CRB1: variants seen among roughly 807,000 people sequenced by gnomAD.
CRB1 encodes crumbs cell polarity complex component 1, also known as protein crumbs homolog 1.
CRB1 carries 83 observed loss-of-function variants against 120.0 expected under a neutral mutation model. The ratio of observed to expected loss-of-function variants is 0.69; its 90% confidence interval spans 0.58 to 0.83. The LOEUF is 0.83. CRB1 is among the 40% of genes least tolerant of loss of function. CRB1 has a pLI of 0.00. For synonymous variants in CRB1, 625 were observed against 612.5 expected (o/e 1.02, Z -0.30); for missense variants, 1,699 against 1,687.6 (o/e 1.01, Z -0.12).
intron 5 of CRB1, among the ~76,000 whole-genome samples, chr1:197,402,013 T>C (rs2125434360): frequency 6.6e-6 from 1 of 152,198 alleles, no homozygotes; most frequent in East Asian, 1.9e-4. Flanking sequence ...CAGTTAATTT[T>C]TATTATTGTT....
At chr1:197,363,141 T>C (rs1289510737) in intron 5 of CRB1, among the ~76,000 whole-genome samples, 2 of 151,964 alleles carry the variant, frequency 1.3e-5, no homozygotes, top group Non-Finnish European at 2.9e-5. Context: ...TTAGGTTTTT[T>C]TTTTTTGCCT....
At chr1:197,252,453 A>T in the CRB1 span, among the ~76,000 whole-genome samples, 1 of 145,976 alleles carries the variant, frequency 6.9e-6, no homozygotes, top group Middle Eastern at 3.5e-3. Flanking sequence ...ACTAAGCTAG[A>T]ATTATCATTC....
chr1:197,450,822 T>C (rs1571589898), intron 11 of CRB1, among the ~76,000 whole-genome samples: 1 of 132,664 alleles, frequency 7.5e-6, no homozygotes, highest in South Asian at 2.4e-4. Context: ...TAGCTGGGCG[T>C]GGTGGCCAGC....
At chr1:197,348,602 G>A (rs933747667) in intron 4 of CRB1, among the ~76,000 whole-genome samples, 8 of 151,842 alleles carry the variant, frequency 5.3e-5, no homozygotes, top group Non-Finnish European at 8.8e-5. Context: ...TCAGCCTCCC[G>A]AGTAGCTGGT....
chr1:197,427,503 C>A lies in CRB1; in HGVS notation c.2178C>A (p.Ile726=). The change falls in exon 7 of 12, where the codon ATC becomes ATA. Residue 726 remains isoleucine (I), a synonymous_variant. Transcript: ENST00000367400. ...AGGATGACTCCACTGGTTATGTCAT[C>A]TTTACTCTTGATGAGAGCTATGGAG... ...FGQDDSTGYV[I]FTLDESYGDT... is the part of the protein sequence containing the mutation. The A allele has an allele frequency of 1.2e-6, 2 of 1,613,824 alleles. No individual in the cohort carries two copies.
chr1:197,296,582 C>T (rs1423917197), intron 1 of CRB1, among the ~76,000 whole-genome samples: 1 of 151,954 alleles, frequency 6.6e-6, no homozygotes, highest in Admixed American at 6.6e-5. Flanking sequence ...CATTGAGATC[C>T]CATTTATCCG....
intron 4 of CRB1, among the ~76,000 whole-genome samples, chr1:197,348,601 C>T (rs767622526): frequency 2.0e-5 from 3 of 152,178 alleles, no homozygotes; most frequent in South Asian, 4.1e-4. Context: ...CTCAGCCTCC[C>T]GAGTAGCTGG....
At chr1:197,419,156 G>C (rs1056272440) in intron 5 of CRB1, among the ~76,000 whole-genome samples, 7 of 152,120 alleles carry the variant, frequency 4.6e-5, no homozygotes, top group Non-Finnish European at 1.5e-5. Flanking sequence ...AACAAATATA[G>C]AAAGTATATG....
chr1:197,366,407 C>T (rs1256639304), intron 5 of CRB1, among the ~76,000 whole-genome samples: 2 of 152,094 alleles, frequency 1.3e-5, no homozygotes, highest in Non-Finnish European at 1.5e-5. Flanking sequence ...TTCAAAAGAA[C>T]CTTTCCAAGT....
chr1:197,250,500 A>G, the CRB1 span, among the ~76,000 whole-genome samples: 2 of 151,914 alleles, frequency 1.3e-5, no homozygotes, highest in African/African-American at 4.8e-5. Context: ...CATTCTATTA[A>G]TGTCGTCTTT....
chr1:197,401,287 C>T (rs916991789), intron 5 of CRB1, among the ~76,000 whole-genome samples: 9 of 151,452 alleles, frequency 5.9e-5, no homozygotes, highest in Non-Finnish European at 1.3e-4. Flanking sequence ...CTGGAATTTC[C>T]ATATTTTGTT....
At chr1:197,241,316 G>T in the CRB1 span, among the ~76,000 whole-genome samples, 1 of 152,100 alleles carries the variant, frequency 6.6e-6, no homozygotes, top group Non-Finnish European at 1.5e-5. Context: ...TTTTACTCTA[G>T]GGTTTTTATG....
intron 1 of CRB1, among the ~76,000 whole-genome samples, chr1:197,274,809 C>T (rs1439637156): frequency 6.6e-6 from 1 of 152,048 alleles, no homozygotes; most frequent in East Asian, 1.9e-4. Flanking sequence ...ATAGATGTAG[C>T]ACGGTTTGCT....
chr1:197,202,144 C>G, the CRB1 span, among the ~76,000 whole-genome samples: 2 of 152,070 alleles, frequency 1.3e-5, no homozygotes, highest in African/African-American at 4.8e-5. Context: ...TTTCTTCCCC[C>G]ACCCTCTCGT....
At chr1:197,257,618 C>A in the CRB1 span, among the ~76,000 whole-genome samples, 1 of 152,188 alleles carries the variant, frequency 6.6e-6, no homozygotes, top group Non-Finnish European at 1.5e-5. Flanking sequence ...TCAGTTCTTT[C>A]TTTTATATTT....
intron 5 of CRB1, among the ~76,000 whole-genome samples, chr1:197,381,073 G>A (rs1173444592): frequency 6.6e-6 from 1 of 152,094 alleles, no homozygotes; most frequent in East Asian, 1.9e-4. Flanking sequence ...CTTAGATCCT[G>A]AACAATCATT....
chr1:197,222,236 C>T, the CRB1 span: 20 of 505,270 alleles, frequency 4.0e-5, no homozygotes, highest in Non-Finnish European at 7.5e-5. Flanking sequence ...TTGTGTTTGC[C>T]GTGCTCCTGT....
chr1:197,432,539 A>G (rs1161774193), intron 8 of CRB1, among the ~76,000 whole-genome samples: 1 of 152,104 alleles, frequency 6.6e-6, no homozygotes, highest in East Asian at 1.9e-4. Flanking sequence ...GGATGGAGTT[A>G]TTTTCATAGA....
rs370892218 is a variant in CRB1 at position 197,438,534 on chromosome 1, T to A, written c.3750-13T>A. The A allele has an allele frequency of 1.3e-5, 21 of 1,611,602 alleles. No homozygotes were observed. The highest frequency in any genetic ancestry group is 1.8e-5 in the Non-Finnish European group (21 of 1,178,168). ...AAGATGAACAGCTGTGGCTCTTGCTTTTATCTCTCTAGACAGAGCAGATTA... is the reference window on the plus strand; with the variant it reads ...AAGATGAACAGCTGTGGCTCTTGCTATTATCTCTCTAGACAGAGCAGATTA... On this transcript the variant is annotated splice_polypyrimidine_tract_variant and intron_variant, in intron 9 of 11. Coordinates refer to ENST00000367400, the MANE Select transcript of CRB1 (RefSeq NM_201253.3).
Sources: allele counts gnomAD v4.1 joint callset (sites outside exome capture counted in the v4.1 genomes callset), GRCh38; gene constraint gnomAD v4.1.1; transcripts MANE v1.5; gene names NCBI Gene and HGNC (gene_info 2026-07-23, HGNC 2026-07-21).